TNNT3: variants seen among roughly 807,000 people sequenced by gnomAD.
The protein encoded by TNNT3 is troponin T3, fast skeletal type, also known as troponin T, fast skeletal muscle.
In TNNT3, 36 loss-of-function variants were observed where a neutral mutation model predicts 54.2. The observed-to-expected ratio is 0.66, with a 90% CI of 0.51 to 0.88. The LOEUF (loss-of-function observed/expected upper bound fraction) is 0.88. Among genes scored for constraint, TNNT3 ranks in the 40% least tolerant of loss-of-function variants. TNNT3 has a pLI of 0.00. For missense variants in TNNT3, 291 were observed against 331.6 expected (o/e 0.88, Z 0.95); for synonymous variants, 120 against 109.7 (o/e 1.09, Z -0.59).
At position 1,933,831 on chromosome 11, in the gene TNNT3, G is replaced by C. The variant is rs1854140687; in HGVS notation, c.282G>C (p.Glu94Asp). The C allele has an allele frequency of 1.9e-6, 3 of 1,612,740 alleles. No individual in the cohort carries two copies. The highest frequency in any genetic ancestry group is 1.6e-4 in the Middle Eastern group (1 of 6,062). ...AGGAGGAGCTGGTCGCTCTCAAAGA[G>C]AGAATCGTGAGTGGGGCAGTTCAGG... ...KEEEELVALK[E>D]RIEKRRAERA... Residue 94 changes from glutamate (E) to aspartate (D), a missense_variant, in exon 10 of 16, where the codon GAG becomes GAC. Glu to Asp is a conservative substitution (Grantham distance 45). Coordinates refer to ENST00000278317, the MANE Select transcript of TNNT3 (RefSeq NM_006757.4).
chr11:1,934,613 G>A lies in TNNT3; in HGVS notation c.548G>A (p.Arg183His), dbSNP rs755730812. Residue 183 changes from arginine (R) to histidine (H), a missense_variant, in exon 13 of 16, where the codon CGC becomes CAC. By Grantham distance (29) the Arg-to-His change is conservative. Transcript: ENST00000278317. ...AAGAAGAAGATTCTGGCTGAGAGAC[G>A]CAAGCCGCTCAACATCGATCACCTT... is the stretch of plus-strand genomic sequence containing the variant. ...EMKKKILAER[R>H]KPLNIDHLGE... 23 of 1,608,490 alleles carry A rather than the reference G, an allele frequency of 1.4e-5. No homozygotes were observed. Among genetic ancestry groups the A allele is most frequent in the African/African-American group, 1.3e-4 (10 of 74,826 alleles).
In TNNT3 at chr11:1,922,887, G is replaced by T. The variant is rs369991179; in HGVS notation, c.13G>T (p.Glu5Ter). 2 of 1,613,494 alleles carry T rather than the reference G, an allele frequency of 1.2e-6. No individual in the cohort carries two copies. The highest frequency in any genetic ancestry group is 2.7e-5 in the African/African-American group (2 of 74,870). ...ACCCACCTTCACCATGTCTGACGAG[G>T]AAGTGTGAGTACCCAGCTGGTGGCT... The part of the protein sequence containing the change: MSDE[E>*]VEQVEEQYEE... Residue 5 changes from glutamate to a stop codon, truncating the protein, a stop_gained, in exon 2 of 16, where the codon GAA becomes TAA. Coordinates refer to ENST00000278317, the MANE Select transcript of TNNT3 (RefSeq NM_006757.4). LOFTEE classifies it high-confidence loss of function.
intron 1 of TNNT3, among the ~76,000 whole-genome samples, chr11:1,921,097 T>A (rs1323134823): frequency 6.6e-6 from 1 of 151,798 alleles, no homozygotes; most frequent in African/African-American, 2.4e-5. Context: ...TGCCCGAGGG[T>A]GAGGGGGCAG....
At chr11:1,931,965 G>A (rs576856948) in intron 8 of TNNT3, among the ~76,000 whole-genome samples, 39 of 152,116 alleles carry the variant, frequency 2.6e-4, no homozygotes, top group Non-Finnish European at 4.9e-4. Context: ...CCGGAGAGGG[G>A]GCCTCATTTC....
chr11:1,922,680 T>C (rs1405915425), intron 1 of TNNT3, 177 bp from the exon 2 acceptor site: 2 of 656,048 alleles, frequency 3.0e-6, no homozygotes, highest in Non-Finnish European at 5.5e-6. Context: ...CCAGGAGCCC[T>C]GGAGAAAGGG....
rs941434350 is a variant in TNNT3 at position 1,926,404 on chromosome 11, C to T, written c.68-291C>T. 39 of 1,602,798 alleles carry T rather than the reference C, an allele frequency of 2.4e-5. 1 individual carries two copies. Among genetic ancestry groups the T allele is most frequent in the African/African-American group, 1.1e-4 (8 of 74,804 alleles). On this transcript the variant is annotated intron_variant, in intron 5 of 15. Transcript: ENST00000278317. ...GACGGGCTTTTCCATTAACCTCGGACGCTTCTCCATTGACCTCTGACCCGC... is the reference window on the plus strand; with the variant it reads ...GACGGGCTTTTCCATTAACCTCGGATGCTTCTCCATTGACCTCTGACCCGC...
intron 8 of TNNT3, among the ~76,000 whole-genome samples, chr11:1,932,044 G>C (rs1383495761): frequency 6.6e-6 from 1 of 152,228 alleles, no homozygotes; most frequent in Admixed American, 6.5e-5. Context: ...AAAGATGAAA[G>C]AGGGGCTGGG....
At chr11:1,926,381 C>T (rs541415004) in intron 5 of TNNT3, 25 of 1,547,856 alleles carry the variant, frequency 1.6e-5, no homozygotes, top group Middle Eastern at 3.4e-4. Context: ...CGAGTGGCGA[C>T]GGGCTTTTCC....
intron 15 of TNNT3, chr11:1,938,233 C>G (rs1328801794): frequency 1.6e-5 from 10 of 637,010 alleles, no homozygotes; most frequent in Non-Finnish European, 2.9e-5. Context: ...TGCCAGCCCC[C>G]TAACCACACT....
At chr11:1,926,437 C>T (rs1158788546) in intron 5 of TNNT3, 1 of 1,613,162 alleles carries the variant, frequency 6.2e-7, no homozygotes, top group South Asian at 1.1e-5. Context: ...CGCGGTTTTG[C>T]CTCTTGTTCC....
Position 1,938,671 on chromosome 11 carries a change from C to T in TNNT3, c.*179C>T, listed in dbSNP as rs1334272214. 1 of 721,378 alleles carries T rather than the reference C, an allele frequency of 1.4e-6. No homozygotes were observed. Among genetic ancestry groups the T allele is most frequent in the East Asian group, 2.8e-5 (1 of 35,718 alleles). The allele number at this position is 721,378 out of a possible 1,614,324, so 44.7% of individuals were successfully genotyped here. A position where few individuals can be genotyped will look rare whatever the true frequency, so the allele number is the denominator to read the frequency against. On this transcript the variant is annotated 3_prime_UTR_variant, in exon 16 of 16. Transcript: ENST00000278317. Reference sequence around the variant, plus strand: ...TCTGTGTCCTTGCTGCCTTCATCCCCTGGGGCCTGTGAATAAAGCTGCAGA... The same window carrying T: ...TCTGTGTCCTTGCTGCCTTCATCCCTTGGGGCCTGTGAATAAAGCTGCAGA...
At chr11:1,936,188 C>A (rs777648288) in intron 14 of TNNT3, 4 of 1,613,752 alleles carry the variant, frequency 2.5e-6, no homozygotes, top group Non-Finnish European at 3.4e-6. Context: ...GCCCATCCAG[C>A]CTTGTAACCA....
At chr11:1,922,252 C>T (rs1850278904) in intron 1 of TNNT3, among the ~76,000 whole-genome samples, 1 of 152,138 alleles carries the variant, frequency 6.6e-6, no homozygotes, top group South Asian at 2.1e-4. Context: ...TGTGGTGGGA[C>T]ACACTCTGGG....
At chr11:1,923,097 T>C in intron 3 of TNNT3, 36 bp downstream of exon 3, 1 of 1,613,670 alleles carries the variant, frequency 6.2e-7, no homozygotes, top group Non-Finnish European at 8.5e-7. Context: ...TACTTCCTGC[T>C]CTAGAAGGAA....
chr11:1,922,382 A>AG (rs1439075871), intron 1 of TNNT3, among the ~76,000 whole-genome samples: 1 of 152,090 alleles, frequency 6.6e-6, no homozygotes, highest in African/African-American at 2.4e-5. Context: ...TCGGTCATCC[A>AG]GGGGCTCCCA....
chr11:1,933,701 C>G lies in TNNT3; in HGVS notation c.172-20C>G, dbSNP rs982007648. On this transcript the variant is annotated intron_variant, in intron 9 of 15. Transcript: ENST00000278317. ...GTTGGAGAGAGGGGTGGGGCTCACA[C>G]CCACTGCCCCTGCCCACAGGACATC... 1.9e-6 allele frequency: 3 copies of G among 1,591,828 alleles called. No homozygotes were observed. The highest frequency in any genetic ancestry group is 1.3e-5 in the African/African-American group (1 of 74,556).
chr11:1,929,533 G>A (rs1852701515), intron 7 of TNNT3, among the ~76,000 whole-genome samples: 1 of 152,184 alleles, frequency 6.6e-6, no homozygotes, highest in African/African-American at 2.4e-5. Flanking sequence ...GACGCGGCCT[G>A]TCTCGCTCCT....
intron 5 of TNNT3, chr11:1,925,338 G>C (rs776622850): frequency 4.6e-6 from 7 of 1,536,502 alleles, no homozygotes; most frequent in South Asian, 1.2e-5. Flanking sequence ...GAGCCCATGT[G>C]GGGGTGGGGG....
intron 4 of TNNT3, 72 bp from the exon 5 acceptor site, chr11:1,925,025 ACT>A: frequency 6.4e-7 from 1 of 1,569,062 alleles, no homozygotes; most frequent in Non-Finnish European, 8.8e-7. Flanking sequence ...GCCTGAGTAC[ACT>A]CTGATCACTG....
Sources: gnomAD v4.1 joint callset for allele counts (sites outside exome capture counted in the v4.1 genomes callset) on GRCh38, gnomAD v4.1.1 for gene constraint, MANE v1.5 for transcripts, NCBI Gene and HGNC (gene_info 2026-07-23, HGNC 2026-07-21) for gene names.